The following NDRG2 variants were observed in gnomAD, a reference collection of about 807,000 sequenced individuals.
The protein encoded by NDRG2 is NDRG family member 2, also known as protein NDRG2.
A neutral mutation model predicts 58.2 loss-of-function variants in NDRG2; 34 were observed. The ratio of observed to expected loss-of-function variants is 0.58; its 90% CI spans 0.44 to 0.78. The LOEUF (loss-of-function observed/expected upper bound fraction) is 0.78. Ranked by LOEUF, NDRG2 falls within the 30% of genes least tolerant of loss-of-function variation. The pLI, the probability that NDRG2 is intolerant of heterozygous loss-of-function variation, is 0.00. For synonymous variants in NDRG2, 187 were observed against 175.9 expected, an observed-to-expected ratio of 1.06 and a Z score of -0.50; for missense variants, 434 against 471.2, an observed-to-expected ratio of 0.92 and a Z score of 0.73.
intron 1 of NDRG2, chr14:21,031,133 G>C (rs369707582): frequency 1.1e-5 from 17 of 1,614,000 alleles, no homozygotes; most frequent in South Asian, 2.2e-5. Flanking sequence ...TGGACTCATG[G>C]AGGGCAAAGA....
At chr14:21,027,014 G>C (rs921086091), upstream of NDRG2, among the ~76,000 whole-genome samples, 1 of 152,156 alleles carries the variant, frequency 6.6e-6, no homozygotes, top group Admixed American at 6.5e-5. Flanking sequence ...GGGAGGGAAG[G>C]ACCTGAAGGT....
intron 1 of NDRG2, chr14:21,043,094 C>G: frequency 6.2e-7 from 1 of 1,614,186 alleles, no homozygotes; most frequent in Non-Finnish European, 8.5e-7. Flanking sequence ...AGGGCATGAC[C>G]TCATCACAGT....
chr14:21,052,358 C>A (rs1340085985), intron 1 of NDRG2, among the ~76,000 whole-genome samples: 1 of 152,076 alleles, frequency 6.6e-6, no homozygotes, highest in Non-Finnish European at 1.5e-5. Context: ...GATTTAGAAC[C>A]CAAATGAGTG....
At position 21,070,866 on chromosome 14, in the gene NDRG2, C is replaced by A; in HGVS notation, c.-15G>T. On this transcript the variant is annotated 5_prime_UTR_variant, in exon 1 of 15. Transcript: ENST00000403829. This position sits in a 1 kb window ranked among gnomAD's most constrained non-coding sequence, Gnocchi z 4.7. Reference sequence around the variant, plus strand: ...CCATTTTCCATCCCTGTCCCCAACCCGGTGAGGCAGGCCCACCCATCCGGC... The same window carrying A: ...CCATTTTCCATCCCTGTCCCCAACCAGGTGAGGCAGGCCCACCCATCCGGC... The A allele has an allele frequency of 6.5e-7, 1 of 1,535,652 alleles. No homozygotes were observed. Among genetic ancestry groups the A allele is most frequent in the South Asian group, 1.2e-5 (1 of 84,066 alleles).
intron 1 of NDRG2, chr14:21,042,849 G>A: frequency 1.5e-6 from 1 of 679,140 alleles, no homozygotes; most frequent in Non-Finnish European, 2.5e-6. Flanking sequence ...GCAGAGATGA[G>A]ACACAAAGTG....
chr14:21,070,447 C>T lies in NDRG2; in HGVS notation c.24+381G>A. 2.2e-6 allele frequency: 3 copies of T among 1,361,654 alleles called. No individual in the cohort carries two copies. The highest frequency in any genetic ancestry group is 1.9e-6 in the Non-Finnish European group (2 of 1,063,738). 84.3% of individuals were successfully genotyped at this position (1,361,654 alleles called of 1,614,324 possible). On this transcript the variant is annotated intron_variant, in intron 1 of 14. Transcript: ENST00000403829. This position sits in a 1 kb window ranked among gnomAD's most constrained non-coding sequence, Gnocchi z 4.7. ...CTGGGTCCCCTCGGCCTTCGCGCAG[C>T]CCGCTCCGGGCCCCCAAGTCCTCAG...
chr14:21,038,038 A>C (rs939442182), intron 1 of NDRG2, among the ~76,000 whole-genome samples: 1 of 152,192 alleles, frequency 6.6e-6, no homozygotes, highest in African/African-American at 2.4e-5. Context: ...CAAGTTGCTC[A>C]AACAATATAC....
chr14:21,058,412 C>A, intron 1 of NDRG2: 1 of 1,298,962 alleles, frequency 7.7e-7, no homozygotes, highest in Non-Finnish European at 1.1e-6. Context: ...TGCTGCTTTT[C>A]CTCCCTCCAG....
chr14:21,030,842 G>A (rs1884047408), upstream of NDRG2: 3 of 1,535,018 alleles, frequency 2.0e-6, no homozygotes, highest in Non-Finnish European at 2.7e-6. Flanking sequence ...AACATTTGCA[G>A]TGGGCCTACC....
In NDRG2 at chr14:21,070,701, T is replaced by A; in HGVS notation, c.24+127A>T. 8.9e-7 allele frequency: 1 copy of A among 1,121,672 alleles called. No individual in the cohort carries two copies. Among genetic ancestry groups the A allele is most frequent in the East Asian group, 2.6e-5 (1 of 38,496 alleles). 69.5% of individuals were successfully genotyped at this position (1,121,672 alleles called of 1,614,324 possible). On this transcript the variant is annotated intron_variant, in intron 1 of 14. Coordinates refer to the NDRG2 transcript ENST00000403829. This position sits in a 1 kb window ranked among gnomAD's most constrained non-coding sequence, Gnocchi z 4.7. ...CTCCCCGCCCTCCTCTGTCCTGACC[T>A]GTGCCTTCCTTTCCTGGAGCTTCCC...
chr14:21,017,721 C>G lies in NDRG2; in HGVS notation c.991G>C (p.Ala331Pro), dbSNP rs1461778475. The change falls in exon 16 of 16, where the codon GCC (alanine) becomes CCC (proline). Residue 331 changes from alanine (A) to proline (P), a missense_variant. Ala to Pro is a conservative substitution (Grantham distance 27). Coordinates refer to ENST00000556147, the MANE Select transcript of NDRG2 (RefSeq NM_001320329.2). The stretch of plus-strand genomic sequence containing the variant: ...ACGGATGCTGCACTGGTCAGAGAGG[C>G]TGTACGAGACCGGGACAGGCGAGTC... ...CMTRLSRSRT[A>P]SLTSAASVDG... 6.2e-6 allele frequency: 10 copies of G among 1,604,034 alleles called. No individual in the cohort carries two copies. Among genetic ancestry groups the G allele is most frequent in the Non-Finnish European group, 7.7e-6 (9 of 1,175,104 alleles).
intron 1 of NDRG2, among the ~76,000 whole-genome samples, chr14:21,059,559 A>G (rs1004084603): frequency 1.6e-4 from 25 of 151,970 alleles, no homozygotes; most frequent in Admixed American, 1.4e-3. Flanking sequence ...CAGTGGCCCA[A>G]TCTCTGCTCA....
chr14:21,018,699 C>T (rs1878297222), intron 12 of NDRG2, 64 bp downstream of exon 12: 1 of 1,609,792 alleles, frequency 6.2e-7, no homozygotes. Context: ...GCAAGATACT[C>T]TTCTGACCAC....
chr14:21,060,819 C>T (rs4982396), intron 1 of NDRG2, among the ~76,000 whole-genome samples: 28,575 of 152,172 alleles, frequency 0.19, 2,931 homozygotes, highest in Admixed American at 0.23. Context: ...CTAAGACACA[C>T]CTGTGTCAAC....
At chr14:21,025,805 C>A, upstream of NDRG2, 1 of 203,856 alleles carries the variant, frequency 4.9e-6, no homozygotes, top group Non-Finnish European at 5.8e-6. The surrounding 1 kb of genome is among the most constrained non-coding windows in gnomAD (Gnocchi z 5.1). Context: ...CGCGGGCAGG[C>A]GGGGGGTGGG....
chr14:21,047,419 A>G (rs890217118), intron 1 of NDRG2, among the ~76,000 whole-genome samples: 5 of 152,194 alleles, frequency 3.3e-5, no homozygotes, highest in African/African-American at 1.2e-4. Flanking sequence ...TTGTCACTCA[A>G]TCCTTCGTGT....
intron 1 of NDRG2, chr14:21,034,017 C>T (rs542133633): frequency 6.2e-7 from 1 of 1,614,138 alleles, no homozygotes; most frequent in Non-Finnish European, 8.5e-7. Flanking sequence ...CTCACAGAAG[C>T]TGTCACTATA....
intron 1 of NDRG2, among the ~76,000 whole-genome samples, chr14:21,052,421 C>A (rs963806244): frequency 2.6e-5 from 4 of 152,086 alleles, no homozygotes; most frequent in Non-Finnish European, 4.4e-5. Flanking sequence ...CGGCAAGGTT[C>A]GTAAATGTGA....
At chr14:21,018,732 T>C in intron 12 of NDRG2, 31 bp downstream of exon 12, 1 of 1,613,750 alleles carries the variant, frequency 6.2e-7, no homozygotes. Flanking sequence ...CCAACCCTCC[T>C]CCCTCACTCA....
Sources: gnomAD v4.1 joint callset for allele counts (sites outside exome capture counted in the v4.1 genomes callset) on GRCh38, gnomAD v4.1.1 for gene constraint, Gnocchi (gnomAD v3.1) non-coding constraint, MANE v1.5 for transcripts, NCBI Gene and HGNC (gene_info 2026-07-23, HGNC 2026-07-21) for gene names.